Variants in COP1 observed in about 807,000 individuals in gnomAD.
The protein encoded by COP1 is COP1 E3 ubiquitin ligase.
COP1 carries 24 observed loss-of-function variants against 101.3 expected under a neutral mutation model. The observed-to-expected ratio is 0.24, with a 90% CI of 0.17 to 0.33. COP1 has a LOEUF of 0.33. Among genes scored for constraint, COP1 ranks in the 10% least tolerant of loss-of-function variants. The pLI is 1.00. For missense variants in COP1, 663 were observed against 906.2 expected, an observed-to-expected ratio of 0.73 and a Z score of 3.45; for synonymous variants, 347 against 341.9, an observed-to-expected ratio of 1.01 and a Z score of -0.17.
chr1:176,046,981 T>A (rs1671630920), intron 11 of COP1, among the ~76,000 whole-genome samples: 1 of 152,124 alleles, frequency 6.6e-6, no homozygotes, highest in Admixed American at 6.5e-5. Flanking sequence ...CTCCTTTCCT[T>A]CAGCGTTATT....
intron 3 of COP1, among the ~76,000 whole-genome samples, chr1:176,167,114 T>TG (rs1695261285): frequency 6.6e-6 from 1 of 152,204 alleles, no homozygotes; most frequent in South Asian, 2.1e-4. Flanking sequence ...ATGCAAGGTA[T>TG]ATACACTGGA....
chr1:176,086,080 G>A (rs144457295), intron 9 of COP1, among the ~76,000 whole-genome samples, 190 bp from the exon 10 acceptor site: 106 of 152,004 alleles, frequency 7.0e-4, no homozygotes, highest in African/African-American at 2.3e-3. Flanking sequence ...AAATTCATTC[G>A]CAGAATGATT....
chr1:176,203,740 T>C (rs1700536386), intron 1 of COP1, among the ~76,000 whole-genome samples: 1 of 152,200 alleles, frequency 6.6e-6, no homozygotes, highest in Non-Finnish European at 1.5e-5. Flanking sequence ...AAATAAAATA[T>C]AAAAATGCAA....
chr1:176,103,193 C>T (rs1179801005), intron 9 of COP1, among the ~76,000 whole-genome samples: 1 of 152,170 alleles, frequency 6.6e-6, no homozygotes, highest in Non-Finnish European at 1.5e-5. Flanking sequence ...GTGATATCAG[C>T]ATCTTTTGTT....
chr1:176,069,926 T>C (rs768749653), intron 11 of COP1, among the ~76,000 whole-genome samples: 3 of 152,222 alleles, frequency 2.0e-5, no homozygotes, highest in Non-Finnish European at 4.4e-5. Flanking sequence ...GCTTTACTAG[T>C]TCCTCTGTAG....
At chr1:176,023,413 G>C (rs1244240331) in intron 15 of COP1, among the ~76,000 whole-genome samples, 1 of 152,130 alleles carries the variant, frequency 6.6e-6, no homozygotes, top group Admixed American at 6.5e-5. Context: ...TAGAAAATAT[G>C]AATTCACCTA....
At chr1:175,978,954 T>C (rs1299256925) in intron 18 of COP1, among the ~76,000 whole-genome samples, 1 of 152,198 alleles carries the variant, frequency 6.6e-6, no homozygotes. Context: ...TTTTTGGATT[T>C]GTTTCTTCCT....
At chr1:176,177,349 T>TAAA (rs575380846) in intron 2 of COP1, among the ~76,000 whole-genome samples, 1 of 132,628 alleles carries the variant, frequency 7.5e-6, no homozygotes, top group Non-Finnish European at 1.6e-5. Context: ...AAAAAAATAT[T>TAAA]AAAAAAAAAA....
chr1:175,989,134 A>G (rs1657812244), intron 16 of COP1: 1 of 351,688 alleles, frequency 2.8e-6, no homozygotes, highest in African/African-American at 2.1e-5. Context: ...GTATATAAAA[A>G]ACTAGTATCT....
rs56720201 is a variant in COP1, at chr1:176,081,294, G to GAA, written c.1142-9_1142-8dup. Reference sequence around the variant, plus strand: ...CTTGCAGTTCGACTGTCATCTATATGAAAAAAAAAAAAAAAAGACAAAACA... The same window carrying GAA: ...CTTGCAGTTCGACTGTCATCTATATGAAAAAAAAAAAAAAAAAAGACAAAACA... On this transcript the variant is annotated splice_region_variant and splice_polypyrimidine_tract_variant and intron_variant, in intron 10 of 19. Coordinates refer to ENST00000367669, the MANE Select transcript of COP1 (RefSeq NM_022457.7). 2,645 of 1,280,204 alleles carry GAA rather than the reference G, an allele frequency of 2.1e-3. No homozygotes were observed. Among genetic ancestry groups the GAA allele is most frequent in the South Asian group, 4.0e-3 (251 of 62,656 alleles). 79.3% of individuals were successfully genotyped at this position (1,280,204 alleles called of 1,614,324 possible).
intron 15 of COP1, among the ~76,000 whole-genome samples, chr1:175,994,023 C>T (rs567481537): frequency 3.5e-4 from 54 of 152,240 alleles, no homozygotes; most frequent in African/African-American, 1.0e-3. Flanking sequence ...AAAGGGAAGC[C>T]CATCAGACTA....
At chr1:176,076,347 A>G (rs1368512809) in intron 11 of COP1, among the ~76,000 whole-genome samples, 1 of 152,228 alleles carries the variant, frequency 6.6e-6, no homozygotes, top group Non-Finnish European at 1.5e-5. Context: ...AAACATTAAA[A>G]TTAAACAATT....
chr1:176,108,368 G>A (rs910220673), intron 9 of COP1, among the ~76,000 whole-genome samples: 1 of 152,056 alleles, frequency 6.6e-6, no homozygotes, highest in Non-Finnish European at 1.5e-5. Context: ...GGCTGGGCAT[G>A]TTTATTTTTC....
At chr1:176,103,361 G>A (rs1683742735) in intron 9 of COP1, among the ~76,000 whole-genome samples, 1 of 152,166 alleles carries the variant, frequency 6.6e-6, no homozygotes, top group Non-Finnish European at 1.5e-5. Context: ...GTGAGGCCTG[G>A]AGATTAAGCT....
At chr1:176,084,757 G>C (rs986745569) in intron 10 of COP1, among the ~76,000 whole-genome samples, 1 of 152,060 alleles carries the variant, frequency 6.6e-6, no homozygotes, top group African/African-American at 2.4e-5. Flanking sequence ...TTTGTCTGTA[G>C]GATCTAAGCA....
At chr1:176,175,385 G>C (rs1696782271) in intron 3 of COP1, among the ~76,000 whole-genome samples, 1 of 152,194 alleles carries the variant, frequency 6.6e-6, no homozygotes, top group Admixed American at 6.5e-5. Flanking sequence ...GTTTCATAGA[G>C]AACAATTCTT....
intron 9 of COP1, among the ~76,000 whole-genome samples, chr1:176,110,131 G>A (rs893077398): frequency 3.9e-5 from 6 of 152,082 alleles, no homozygotes; most frequent in Admixed American, 3.3e-4. Context: ...CAATGCAGAC[G>A]ATACTATTTA....
At chr1:175,977,188 A>G (rs987777128) in intron 18 of COP1, among the ~76,000 whole-genome samples, 8 of 152,202 alleles carry the variant, frequency 5.3e-5, no homozygotes, top group African/African-American at 1.9e-4. Flanking sequence ...CCTGAAGATA[A>G]ATAAAAGTAT....
intron 18 of COP1, among the ~76,000 whole-genome samples, chr1:175,980,275 C>T: frequency 1.3e-5 from 2 of 151,532 alleles, no homozygotes; most frequent in African/African-American, 2.4e-5. Context: ...TACATGAACA[C>T]AAATACAATA....
Sources: allele counts gnomAD v4.1 joint callset (sites outside exome capture counted in the v4.1 genomes callset), GRCh38; gene constraint gnomAD v4.1.1; transcripts MANE v1.5; gene names NCBI Gene and HGNC (gene_info 2026-07-23, HGNC 2026-07-21).